Variants in ANK2 observed in about 807,000 individuals in gnomAD.
The protein encoded by ANK2 is ankyrin-2.
A neutral mutation model predicts 360.5 loss-of-function variants in ANK2; 83 were observed. The observed-to-expected ratio is 0.23, with a 90% confidence interval of 0.19 to 0.28. The LOEUF is 0.28. Ranked by LOEUF, ANK2 falls within the 10% of genes least tolerant of loss-of-function variation. The pLI is 1.00. For missense variants in ANK2, 4,201 were observed against 4,795.7 expected (o/e 0.88, Z 3.66); for synonymous variants, 1,740 against 1,759.5 (o/e 0.99, Z 0.28).
intron 2 of ANK2, among the ~76,000 whole-genome samples, chr4:112,925,144 C>G (rs2092362757): frequency 6.6e-6 from 1 of 152,136 alleles, no homozygotes; most frequent in African/African-American, 2.4e-5. Flanking sequence ...GGCCATTTAT[C>G]ACCTTTTATA....
the ANK2 span, among the ~76,000 whole-genome samples, chr4:112,731,437 A>C: frequency 4.6e-5 from 7 of 152,094 alleles, no homozygotes; most frequent in Non-Finnish European, 1.0e-4. Flanking sequence ...TAAAATAAGG[A>C]ACTAGGCCGA....
chr4:112,980,784 TGA>T (rs60927731), intron 2 of ANK2, among the ~76,000 whole-genome samples: 2,538 of 152,318 alleles, frequency 0.017, 68 homozygotes, highest in African/African-American at 0.058. Context: ...AATTTTTAAT[TGA>T]GAGAGATCAT....
chr4:113,117,460 G>A (rs1308508680), intron 1 of ANK2: 3 of 453,514 alleles, frequency 6.6e-6, no homozygotes, highest in South Asian at 3.1e-5. Context: ...CTGCAGCTCT[G>A]TGTAGCACCA....
intron 1 of ANK2, among the ~76,000 whole-genome samples, chr4:113,079,954 G>T (rs1415152358): frequency 2.0e-5 from 3 of 148,948 alleles, no homozygotes; most frequent in African/African-American, 5.0e-5. Flanking sequence ...GCTGGAGTGT[G>T]GTGGTGCGAT....
chr4:113,240,426 A>G, intron 7 of ANK2, 59 bp from the exon 8 acceptor site: 1 of 1,309,744 alleles, frequency 7.6e-7, no homozygotes. Context: ...CACTAATACA[A>G]TGGCTGCAAC....
chr4:112,993,769 C>A (rs192345593), intron 2 of ANK2, among the ~76,000 whole-genome samples: 1 of 151,912 alleles, frequency 6.6e-6, no homozygotes. Flanking sequence ...TGCAGAGGCA[C>A]GATCTTGGCT....
intron 37 of ANK2, among the ~76,000 whole-genome samples, chr4:113,352,720 C>A (rs1475777603): frequency 6.7e-6 from 1 of 149,984 alleles, no homozygotes; most frequent in Admixed American, 6.6e-5. Flanking sequence ...TCACTGCGTT[C>A]TTTGTTTTGA....
chr4:112,931,018 T>C (rs996101463), intron 2 of ANK2, among the ~76,000 whole-genome samples: 3 of 152,114 alleles, frequency 2.0e-5, no homozygotes, highest in Non-Finnish European at 2.9e-5. Flanking sequence ...TGAGAAGAAC[T>C]ACCAGAATTT....
the ANK2 span, among the ~76,000 whole-genome samples, chr4:112,716,549 C>G: frequency 3.9e-5 from 6 of 152,180 alleles, no homozygotes; most frequent in South Asian, 1.0e-3. Context: ...CTAAATGTCC[C>G]TTATTCTAAT....
At chr4:113,210,827 T>A (rs2099013147) in intron 4 of ANK2, among the ~76,000 whole-genome samples, 1 of 152,208 alleles carries the variant, frequency 6.6e-6, no homozygotes. Context: ...ACTACCTTTG[T>A]GGGAAGCACG....
chr4:113,287,629 G>A lies in ANK2; in HGVS notation c.2104G>A (p.Ala702Thr). 1 of 1,612,920 alleles carries A rather than the reference G, an allele frequency of 6.2e-7. No homozygotes were observed. The highest frequency in any genetic ancestry group is 8.5e-7 in the Non-Finnish European group (1 of 1,179,070). ...TKSGLTSLHL[A>T]AQEDKVNVAD... The stretch of plus-strand genomic sequence containing the variant: ...GAGTGGACTCACATCCTTACACCTT[G>A]CAGCCCAGGAAGATAAAGTGAATGT... The change falls in exon 19 of 46, where the codon GCA becomes ACA. Residue 702 changes from alanine (A) to threonine (T), a missense_variant. Ala to Thr is a moderately conservative substitution (Grantham distance 58, BLOSUM62 0). Transcript: ENST00000357077.
chr4:112,735,562 G>A, the ANK2 span, among the ~76,000 whole-genome samples: 1 of 151,944 alleles, frequency 6.6e-6, no homozygotes, highest in Non-Finnish European at 1.5e-5. Context: ...TCCCACAAGG[G>A]GGCTTTCCTT....
At chr4:112,839,456 A>G (rs1186241406) in intron 1 of ANK2, among the ~76,000 whole-genome samples, 2 of 152,100 alleles carry the variant, frequency 1.3e-5, no homozygotes, top group Admixed American at 1.3e-4. Flanking sequence ...CATTCCTTCT[A>G]TTTTGATGTA....
At chr4:113,087,680 T>A (rs1001527515) in intron 1 of ANK2, among the ~76,000 whole-genome samples, 5 of 152,062 alleles carry the variant, frequency 3.3e-5, no homozygotes, top group Admixed American at 2.6e-4. Flanking sequence ...CTTGAAGTTA[T>A]ATCTATATTA....
At chr4:112,815,886 G>A (rs991289537), upstream of ANK2, among the ~76,000 whole-genome samples, 4 of 152,190 alleles carry the variant, frequency 2.6e-5, no homozygotes, top group Non-Finnish European at 5.9e-5. Context: ...TTTTCATCTG[G>A]CTGTTCATTT....
At position 113,381,528 on chromosome 4, in the gene ANK2, T is replaced by G. The variant is rs1465857897; in HGVS notation, c.*57T>G. On this transcript the variant is annotated 3_prime_UTR_variant, in exon 46 of 46. Coordinates refer to ENST00000357077, the MANE Select transcript of ANK2 (RefSeq NM_001148.6). Reference sequence around the variant, plus strand: ...GACCAGCATGGAAAACGCATTGACTTGGAGCACCTGGAGGATGTACCAGAA... The same window carrying G: ...GACCAGCATGGAAAACGCATTGACTGGGAGCACCTGGAGGATGTACCAGAA... The G allele has an allele frequency of 4.3e-6, 7 of 1,613,608 alleles. No individual in the cohort carries two copies. The highest frequency in any genetic ancestry group is 5.9e-6 in the Non-Finnish European group (7 of 1,179,852).
intron 2 of ANK2, among the ~76,000 whole-genome samples, chr4:112,995,340 G>GC (rs750766080): frequency 1.3e-5 from 2 of 152,014 alleles, no homozygotes; most frequent in Non-Finnish European, 2.9e-5. Context: ...TGTGGTTTTT[G>GC]CATTTCTCTG....
chr4:113,200,643 G>A (rs1448408142), intron 4 of ANK2, among the ~76,000 whole-genome samples: 2 of 152,144 alleles, frequency 1.3e-5, no homozygotes, highest in Non-Finnish European at 2.9e-5. Context: ...CCATGTTGCT[G>A]CAAAGGATGT....
intron 7 of ANK2, among the ~76,000 whole-genome samples, chr4:113,238,575 A>G (rs1288880343): frequency 6.6e-6 from 1 of 152,190 alleles, no homozygotes; most frequent in Non-Finnish European, 1.5e-5. Context: ...TGATATCTTA[A>G]TAACTAATTT....
Sources: allele counts gnomAD v4.1 joint callset (sites outside exome capture counted in the v4.1 genomes callset), GRCh38; gene constraint gnomAD v4.1.1; transcripts MANE v1.5; gene names NCBI Gene and HGNC (gene_info 2026-07-23, HGNC 2026-07-21).